Variants in MCTP1 observed in about 807,000 individuals in gnomAD.
The protein encoded by MCTP1 is multiple C2 and transmembrane domain containing 1, also known as multiple C2 and transmembrane domain-containing protein 1.
A neutral mutation model predicts 120.6 loss-of-function variants in MCTP1; 69 were observed. That is an observed-to-expected ratio of 0.57 (90% CI 0.47 to 0.70). The LOEUF (loss-of-function observed/expected upper bound fraction) is 0.70. MCTP1 is among the 30% of genes least tolerant of loss of function. The pLI is 0.00. For synonymous variants in MCTP1, 529 were observed against 493.1 expected, an observed-to-expected ratio of 1.07 and a Z score of -0.96; for missense variants, 1,203 against 1,248.8, an observed-to-expected ratio of 0.96 and a Z score of 0.55.
At chr5:94,877,861 G>A (rs1287831960) in intron 12 of MCTP1, 1 of 152,138 alleles carries the variant, frequency 6.6e-6, no homozygotes, top group Non-Finnish European at 1.5e-5. Context: ...TCCATCAGTG[G>A]TGGGCTTTGT....
intron 17 of MCTP1, among the ~76,000 whole-genome samples, chr5:94,829,014 CAAAA>C (rs138764875): frequency 2.6e-5 from 4 of 151,076 alleles, no homozygotes; most frequent in South Asian, 2.1e-4. Flanking sequence ...ACAACAACAA[CAAAA>C]AAAAAACTCC....
chr5:95,111,257 A>G (rs1319692259), intron 1 of MCTP1, among the ~76,000 whole-genome samples: 2 of 152,192 alleles, frequency 1.3e-5, no homozygotes, highest in Non-Finnish European at 2.9e-5. Flanking sequence ...GTAGTTTATC[A>G]TAACTAGTGA....
At position 94,735,833 on chromosome 5, in the gene MCTP1, G is replaced by A. The variant is rs191037435; in HGVS notation, c.2611-20947C>T. Among the ~76,000 whole-genome samples the A allele has an allele frequency of 3.1e-4, 47 of 152,162 alleles. No individual in the cohort carries two copies. The South Asian group carries it at 4.1e-3, about 13-fold the overall frequency. ...GCATTATATCTAAGGTATCTAACTC[G>A]ACAGTATGTTCAAATAAATGTGTCT... is the stretch of plus-strand genomic sequence containing the variant. On this transcript the variant is annotated intron_variant, in intron 19 of 22. Coordinates refer to ENST00000515393, the MANE Select transcript of MCTP1 (RefSeq NM_024717.7).
At chr5:94,899,776 CTGAAATACCAGAAACAGTGACCAATCCA>C (rs1448001413) in intron 10 of MCTP1, among the ~76,000 whole-genome samples, 3 of 152,208 alleles carry the variant, frequency 2.0e-5, no homozygotes, top group Admixed American at 6.5e-5. Flanking sequence ...AGCTATATCT[CTGAAATACCAGAAACAGTGACCAATCCA>C]TGAATATATT....
At chr5:94,726,856 C>T (rs906641355) in intron 19 of MCTP1, among the ~76,000 whole-genome samples, 3 of 152,024 alleles carry the variant, frequency 2.0e-5, no homozygotes, top group East Asian at 1.9e-4. Flanking sequence ...GGTATTTTTT[C>T]GGTACATTGT....
At chr5:95,229,756 AT>A (rs946299789) in intron 1 of MCTP1, among the ~76,000 whole-genome samples, 1 of 151,690 alleles carries the variant, frequency 6.6e-6, no homozygotes, top group African/African-American at 2.4e-5. Context: ...AAAAAAAAAG[AT>A]TGGTTACACA....
At chr5:95,006,085 G>A (rs1400994447) in intron 2 of MCTP1, among the ~76,000 whole-genome samples, 1 of 152,120 alleles carries the variant, frequency 6.6e-6, no homozygotes, top group Non-Finnish European at 1.5e-5. Context: ...AACCTAGGGA[G>A]ACATGGGGAG....
At position 95,214,341 on chromosome 5, in the gene MCTP1, C is replaced by T. The variant is rs546845292; in HGVS notation, c.720+69515G>A. ...TACCATCTCACACCAGTTAGAATGG[C>T]GATCATTAAGAAGTCAGGAAACAAC... is the stretch of plus-strand genomic sequence containing the variant. On this transcript the variant is annotated intron_variant, in intron 1 of 22. Transcript: ENST00000515393. Among the ~76,000 whole-genome samples, 73 of 151,942 alleles carry T rather than the reference C, an allele frequency of 4.8e-4. 1 individual carries two copies. In the South Asian group the frequency reaches 0.011, roughly 23 times the overall value.
chr5:94,947,577 T>TATATATATATATATATATATAGAGAGAG, intron 3 of MCTP1, among the ~76,000 whole-genome samples: 14 of 47,390 alleles, frequency 3.0e-4, no homozygotes, highest in African/African-American at 4.6e-4. Context: ...TATATATATA[T>TATATATATATATATATATATAGAGAGAG]AGAGAGAGAG....
chr5:95,084,397 G>A (rs553505930), intron 1 of MCTP1, among the ~76,000 whole-genome samples: 8 of 151,944 alleles, frequency 5.3e-5, no homozygotes, highest in Non-Finnish European at 1.2e-4. Context: ...ATTTTTTAAT[G>A]AATACTCCAG....
chr5:95,025,871 G>C (rs1839163118), intron 1 of MCTP1, among the ~76,000 whole-genome samples: 1 of 152,118 alleles, frequency 6.6e-6, no homozygotes, highest in South Asian at 2.1e-4. Context: ...GCAAGTCTTT[G>C]TGAAAACTAT....
At chr5:94,720,280 A>T (rs1760588079) in intron 19 of MCTP1, among the ~76,000 whole-genome samples, 1 of 152,100 alleles carries the variant, frequency 6.6e-6, no homozygotes, top group Non-Finnish European at 1.5e-5. Context: ...TACAAAGGAA[A>T]ATAATTTATA....
At chr5:94,820,606 A>C (rs1480754704) in intron 17 of MCTP1, among the ~76,000 whole-genome samples, 1 of 152,190 alleles carries the variant, frequency 6.6e-6, no homozygotes, top group Non-Finnish European at 1.5e-5. Context: ...TCAACTTTTA[A>C]AAGAGTTGTC....
intron 1 of MCTP1, among the ~76,000 whole-genome samples, chr5:95,264,937 C>T (rs2152723860): frequency 6.6e-6 from 1 of 152,250 alleles, no homozygotes; most frequent in Non-Finnish European, 1.5e-5. Flanking sequence ...AGGCCTGGAT[C>T]CAGCCTGCTC....
At chr5:95,159,684 T>C (rs896989472) in intron 1 of MCTP1, among the ~76,000 whole-genome samples, 6 of 152,154 alleles carry the variant, frequency 3.9e-5, no homozygotes, top group African/African-American at 1.4e-4. Context: ...TTTGATTTTT[T>C]TTTCAAGTTC....
intron 1 of MCTP1, among the ~76,000 whole-genome samples, chr5:95,189,170 A>G (rs1226248239): frequency 2.6e-5 from 4 of 152,188 alleles, no homozygotes; most frequent in African/African-American, 9.6e-5. Context: ...ATGCAACACC[A>G]TAGTTAATTT....
In MCTP1 at chr5:95,284,126, T is replaced by C. The variant is rs1582733253; in HGVS notation, c.450A>G (p.Gly150=). 6.4e-7 allele frequency: 1 copy of C among 1,550,466 alleles called. No homozygotes were observed. The highest frequency in any genetic ancestry group is 1.2e-5 in the South Asian group (1 of 84,764). ...AGGAAGGAGCTGAGTCGGGGGAGCG[T>C]CCGCCAGGAGGCGTCCCTCCCGCTG... is the stretch of plus-strand genomic sequence containing the variant. The part of the protein sequence containing the change: ...SGAAGGTPPG[G]RSPDSAPSSS... The change falls in exon 1 of 23, where the codon GGA becomes GGG. Residue 150 remains glycine, a synonymous_variant. Coordinates refer to ENST00000515393, the MANE Select transcript of MCTP1 (RefSeq NM_024717.7). The surrounding 1 kb of genome is among the most constrained non-coding windows in gnomAD (Gnocchi z 5.2).
At chr5:94,803,304 C>T (rs912538488) in intron 17 of MCTP1, among the ~76,000 whole-genome samples, 8 of 152,186 alleles carry the variant, frequency 5.3e-5, no homozygotes, top group Non-Finnish European at 1.2e-4. Context: ...GAGAGTTTTA[C>T]TCATTATCCT....
chr5:94,889,750 CCACACACA>C (rs750983646), intron 11 of MCTP1, among the ~76,000 whole-genome samples: 12 of 145,606 alleles, frequency 8.2e-5, no homozygotes, highest in African/African-American at 2.5e-4. Context: ...TGAATGTACA[CCACACACA>C]CACACACACA....
Sources: allele counts gnomAD v4.1 joint callset (sites outside exome capture counted in the v4.1 genomes callset), GRCh38; gene constraint gnomAD v4.1.1; non-coding constraint Gnocchi (gnomAD v3.1); transcripts MANE v1.5; gene names NCBI Gene and HGNC (gene_info 2026-07-23, HGNC 2026-07-21).